Variants in KRABD5 observed in about 807,000 individuals in gnomAD.
KRABD5 encodes the protein KRAB domain-containing protein 5.
chr16:31,730,814 C>T, the KRABD5 span, among the ~76,000 whole-genome samples: 1 of 152,040 alleles, frequency 6.6e-6, no homozygotes, highest in East Asian at 1.9e-4. Context: ...GATTGAGTCT[C>T]TTGTTAAAAC....
the KRABD5 span, among the ~76,000 whole-genome samples, chr16:31,743,758 G>A: frequency 6.6e-6 from 1 of 152,132 alleles, no homozygotes; most frequent in Non-Finnish European, 1.5e-5. Context: ...CCATGAGGAT[G>A]GAATATTTTT....
chr16:31,733,865 A>G, the KRABD5 span, among the ~76,000 whole-genome samples: 5 of 152,112 alleles, frequency 3.3e-5, no homozygotes, highest in Non-Finnish European at 7.4e-5. Context: ...TGGGTGTGCA[A>G]ACATCTATTC....
chr16:31,754,659 A>C, the KRABD5 span: 3 of 459,876 alleles, frequency 6.5e-6, no homozygotes, highest in African/African-American at 6.0e-5. Flanking sequence ...ACTTTTATCC[A>C]GTCATCAAAA....
the KRABD5 span, among the ~76,000 whole-genome samples, chr16:31,719,868 A>G: frequency 3.9e-5 from 6 of 152,226 alleles, no homozygotes; most frequent in African/African-American, 1.4e-4. Flanking sequence ...TTGCTTCACA[A>G]GTAGTAACAA....
the KRABD5 span, among the ~76,000 whole-genome samples, chr16:31,716,102 T>C: frequency 6.6e-6 from 1 of 152,200 alleles, no homozygotes; most frequent in Non-Finnish European, 1.5e-5. Flanking sequence ...ATAGCACCTT[T>C]GCTCCTAGAG....
chr16:31,727,549 A>G, the KRABD5 span, among the ~76,000 whole-genome samples: 2 of 152,170 alleles, frequency 1.3e-5, no homozygotes, highest in Admixed American at 6.5e-5. Context: ...TTTCCCTTCA[A>G]TTTTTTGGAA....
At chr16:31,722,812 C>T in the KRABD5 span, 9 of 1,478,884 alleles carry the variant, frequency 6.1e-6, no homozygotes, top group Non-Finnish European at 8.1e-6. Context: ...TTATTTCTTT[C>T]CTTTGTAGAA....
the KRABD5 span, chr16:31,722,885 A>AG: frequency 8.9e-7 from 1 of 1,120,506 alleles, no homozygotes; most frequent in Non-Finnish European, 1.2e-6. Context: ...GGAAAAAAAA[A>AG]TTGTGGGTTT....
chr16:31,717,377 G>A, the KRABD5 span, among the ~76,000 whole-genome samples: 5 of 152,270 alleles, frequency 3.3e-5, no homozygotes, highest in African/African-American at 7.2e-5. Context: ...AGATAGAGCC[G>A]TATCTTACAG....
the KRABD5 span, among the ~76,000 whole-genome samples, chr16:31,744,137 C>T: frequency 6.6e-6 from 1 of 152,122 alleles, no homozygotes; most frequent in Non-Finnish European, 1.5e-5. Flanking sequence ...CCTGATTGCC[C>T]TGGCCAGAAC....
chr16:31,737,020 T>A, the KRABD5 span, among the ~76,000 whole-genome samples: 4 of 152,220 alleles, frequency 2.6e-5, no homozygotes. Flanking sequence ...ACTTTCTTTA[T>A]AGTGAAAACT....
the KRABD5 span, among the ~76,000 whole-genome samples, chr16:31,738,150 T>C: frequency 6.6e-6 from 1 of 152,138 alleles, no homozygotes; most frequent in Non-Finnish European, 1.5e-5. Flanking sequence ...CCATATATGG[T>C]TATGGATATT....
the KRABD5 span, chr16:31,713,355 A>G: frequency 3.2e-6 from 5 of 1,568,620 alleles, no homozygotes; most frequent in East Asian, 1.2e-4. Context: ...GAGAATAGAC[A>G]GAACCTCTGT....
the KRABD5 span, among the ~76,000 whole-genome samples, chr16:31,717,050 G>A: frequency 1.6e-4 from 22 of 137,174 alleles, no homozygotes; most frequent in South Asian, 4.7e-4. Context: ...AGGCTGGAGT[G>A]CAGTGGTGCG....
chr16:31,753,948 A>C, the KRABD5 span: 4 of 1,549,350 alleles, frequency 2.6e-6, no homozygotes, highest in South Asian at 4.8e-5. Context: ...TACAAAATGT[A>C]AGACAACTAC....
chr16:31,755,700 A>G, the KRABD5 span: 10 of 409,106 alleles, frequency 2.4e-5, no homozygotes, highest in African/African-American at 2.1e-4. Context: ...AAAAGTATTC[A>G]TACTAGAGAA....
the KRABD5 span, among the ~76,000 whole-genome samples, chr16:31,729,666 A>G: frequency 1.3e-5 from 2 of 152,136 alleles, no homozygotes; most frequent in African/African-American, 4.8e-5. Context: ...GTAATTATTG[A>G]TAGGTAACTA....
At chr16:31,747,043 G>A in the KRABD5 span, among the ~76,000 whole-genome samples, 1 of 151,538 alleles carries the variant, frequency 6.6e-6, no homozygotes, top group Non-Finnish European at 1.5e-5. Flanking sequence ...ACAATGTGCA[G>A]GTTTGTTACA....
chr16:31,714,301 T>A, the KRABD5 span: 1 of 454,340 alleles, frequency 2.2e-6, no homozygotes, highest in African/African-American at 2.0e-5. Flanking sequence ...GTAAGTGCCT[T>A]ACAGTTTCCT....
Sources: gnomAD v4.1 joint callset for allele counts (sites outside exome capture counted in the v4.1 genomes callset) on GRCh38, gnomAD v4.1.1 for gene constraint, MANE v1.5 for transcripts, NCBI Gene and HGNC (gene_info 2026-07-23, HGNC 2026-07-21) for gene names.